The following GALNT2 variants were observed in gnomAD, a reference collection of about 807,000 sequenced individuals.
GALNT2 encodes the protein polypeptide N-acetylgalactosaminyltransferase 2.
In GALNT2, 31 loss-of-function variants were observed where a neutral mutation model predicts 81.4. That is an observed-to-expected ratio of 0.38 (90% CI 0.29 to 0.51). The LOEUF (loss-of-function observed/expected upper bound fraction) is 0.51, where lower values mean the gene tolerates loss of function less well. Ranked by LOEUF, GALNT2 falls within the 20% of genes least tolerant of loss-of-function variation. GALNT2 has a pLI of 0.87. For synonymous variants in GALNT2, 303 were observed against 287.4 expected (o/e 1.05, Z -0.55); for missense variants, 629 against 765.7 (o/e 0.82, Z 2.11).
chr1:230,241,574 G>A (rs1665203211), intron 6 of GALNT2, among the ~76,000 whole-genome samples: 1 of 152,052 alleles, frequency 6.6e-6, no homozygotes, highest in Non-Finnish European at 1.5e-5. Context: ...AGCCTGCCGA[G>A]TAGCTGGGAT....
intron 1 of GALNT2, among the ~76,000 whole-genome samples, chr1:230,158,242 G>C (rs534928522): frequency 1.3e-5 from 2 of 152,142 alleles, no homozygotes; most frequent in African/African-American, 4.8e-5. Context: ...GATGAGTAGC[G>C]TGGGGAGATG....
At chr1:230,168,117 C>T (rs1472377541) in intron 1 of GALNT2, among the ~76,000 whole-genome samples, 2 of 152,204 alleles carry the variant, frequency 1.3e-5, no homozygotes, top group East Asian at 3.9e-4. Context: ...CACCCCCTGA[C>T]TGGGGAGGCG....
intron 1 of GALNT2, among the ~76,000 whole-genome samples, chr1:230,164,546 T>C (rs1475840083): frequency 6.6e-6 from 1 of 151,898 alleles, no homozygotes; most frequent in Non-Finnish European, 1.5e-5. Context: ...TTTTCTTTTT[T>C]TTTTTTTTAG....
intron 1 of GALNT2, among the ~76,000 whole-genome samples, chr1:230,166,324 C>T (rs1192529560): frequency 6.6e-6 from 1 of 152,232 alleles, no homozygotes; most frequent in East Asian, 1.9e-4. Context: ...AGGCACTCCT[C>T]CCCGCAGCGT....
At chr1:230,170,932 A>G (rs549314095) in intron 1 of GALNT2, among the ~76,000 whole-genome samples, 1 of 152,338 alleles carries the variant, frequency 6.6e-6, no homozygotes, top group East Asian at 1.9e-4. Context: ...TTTCAACATC[A>G]GATTTGGAGG....
chr1:230,202,263 A>G (rs1663915220), intron 2 of GALNT2, among the ~76,000 whole-genome samples: 1 of 152,072 alleles, frequency 6.6e-6, no homozygotes, highest in Admixed American at 6.5e-5. Context: ...CTGTTTGAGC[A>G]TCCTGCCTTT....
chr1:230,096,128 C>T (rs1660248790), intron 1 of GALNT2, among the ~76,000 whole-genome samples: 2 of 152,178 alleles, frequency 1.3e-5, no homozygotes, highest in Non-Finnish European at 1.5e-5. Context: ...GGGCCAGGCT[C>T]ACCTGGGGGC....
intron 1 of GALNT2, among the ~76,000 whole-genome samples, chr1:230,172,739 C>G (rs1402238571): frequency 6.6e-6 from 1 of 152,210 alleles, no homozygotes; most frequent in East Asian, 1.9e-4. Context: ...TTATTTGGAT[C>G]AGAGACAGAT....
At chr1:230,217,851 A>G (rs1290661400) in intron 3 of GALNT2, among the ~76,000 whole-genome samples, 1 of 152,218 alleles carries the variant, frequency 6.6e-6, no homozygotes, top group African/African-American at 2.4e-5. Context: ...AGCCCTCATT[A>G]TCTAATCACC....
At chr1:230,261,147 CA>C (rs1363187951) in intron 11 of GALNT2, among the ~76,000 whole-genome samples, 4 of 137,106 alleles carry the variant, frequency 2.9e-5, no homozygotes, top group African/African-American at 1.1e-4. Context: ...ATGTATATTT[CA>C]TTCCTAATTG....
rs534793516 is a variant in GALNT2, at chr1:230,276,585, G to A, written c.1560+2021G>A. Among the ~76,000 whole-genome samples, 118 of 152,300 alleles carry A rather than the reference G, an allele frequency of 7.7e-4. 1 individual carries two copies. Among genetic ancestry groups the A allele is most frequent in the African/African-American group, 2.7e-3 (113 of 41,566 alleles). Reference sequence around the variant, plus strand: ...TTCTGACCCCAGTTGTCAGGGAGACGCCTGCAGAGGGCCCTCTTTCACCTG... The same window carrying A: ...TTCTGACCCCAGTTGTCAGGGAGACACCTGCAGAGGGCCCTCTTTCACCTG... On this transcript the variant is annotated intron_variant, in intron 15 of 15. Transcript: ENST00000366672.
At chr1:230,058,757 T>G (rs1409482592) in intron 1 of GALNT2, among the ~76,000 whole-genome samples, 1 of 152,228 alleles carries the variant, frequency 6.6e-6, no homozygotes, top group Non-Finnish European at 1.5e-5. Context: ...AAGCAATTTC[T>G]GGGAAGACAG....
At chr1:230,141,981 G>A (rs144529380) in intron 1 of GALNT2, among the ~76,000 whole-genome samples, 371 of 151,896 alleles carry the variant, frequency 2.4e-3, no homozygotes, top group African/African-American at 8.3e-3. Flanking sequence ...TGTTAGAGAC[G>A]AGAGCCTCAC....
chr1:230,105,505 A>C (rs117543181), intron 1 of GALNT2, among the ~76,000 whole-genome samples: 2 of 152,198 alleles, frequency 1.3e-5, no homozygotes, highest in African/African-American at 4.8e-5. Flanking sequence ...GTGGCACACA[A>C]AATTAATGGT....
chr1:230,067,385 G>A lies in GALNT2; in HGVS notation c.105G>A (p.Ala35=). Residue 35 remains alanine, a synonymous_variant, in exon 1 of 16, where the codon GCG becomes GCA. Transcript: ENST00000366672. ...GCGGCTCTGCGCTGGCCGGGGGCGC[G>A]GGCGGCGGCGCCGGCAGGAAGGTGA... is the stretch of plus-strand genomic sequence containing the variant. ...SGGGSALAGG[A]GGGAGRKEDW... is the part of the protein sequence containing the mutation. 2 of 1,274,080 alleles carry A rather than the reference G, an allele frequency of 1.6e-6. No individual in the cohort carries two copies. The highest frequency in any genetic ancestry group is 2.0e-6 in the Non-Finnish European group (2 of 1,003,910). The allele number at this position is 1,274,080 out of a possible 1,614,324, so 78.9% of individuals were successfully genotyped here.
At chr1:230,253,129 T>A (rs985441484) in intron 10 of GALNT2, among the ~76,000 whole-genome samples, 1 of 152,226 alleles carries the variant, frequency 6.6e-6, no homozygotes, top group African/African-American at 2.4e-5. Flanking sequence ...ATTACAGGCA[T>A]GAGCCACTGC....
chr1:230,276,489 A>G (rs1275461454), intron 15 of GALNT2, among the ~76,000 whole-genome samples: 1 of 152,154 alleles, frequency 6.6e-6, no homozygotes, highest in Non-Finnish European at 1.5e-5. Flanking sequence ...TCACAACAGA[A>G]AAGTCTCAGA....
At chr1:230,250,394 G>C in intron 9 of GALNT2, 63 bp from the exon 10 acceptor site, 1 of 1,239,428 alleles carries the variant, frequency 8.1e-7, no homozygotes, top group Non-Finnish European at 1.2e-6. Flanking sequence ...GCGCAAGGGT[G>C]CTGGCAATCT....
chr1:230,073,184 G>C (rs761356246), intron 1 of GALNT2, among the ~76,000 whole-genome samples: 4 of 152,186 alleles, frequency 2.6e-5, no homozygotes, highest in Non-Finnish European at 4.4e-5. Flanking sequence ...GCTCACCAGT[G>C]ATCACTCCTG....
Sources: gnomAD v4.1 joint callset for allele counts (sites outside exome capture counted in the v4.1 genomes callset) on GRCh38, gnomAD v4.1.1 for gene constraint, MANE v1.5 for transcripts, NCBI Gene and HGNC (gene_info 2026-07-23, HGNC 2026-07-21) for gene names.